The following MARK3 variants were observed in gnomAD, a reference collection of about 807,000 sequenced individuals.
MARK3 encodes the protein microtubule affinity regulating kinase 3.
In MARK3, 46 loss-of-function variants were observed where a neutral mutation model predicts 90.1. That is an observed-to-expected ratio of 0.51 (90% CI 0.40 to 0.65). The LOEUF is 0.65. MARK3 is among the 30% of genes least tolerant of loss of function. The pLI is 0.00. For missense variants in MARK3, 818 were observed against 947.2 expected, an observed-to-expected ratio of 0.86 and a Z score of 1.79; for synonymous variants, 321 against 332.6, an observed-to-expected ratio of 0.97 and a Z score of 0.38.
chr14:103,386,237 C>G (rs1177241397), intron 1 of MARK3, 157 bp downstream of exon 1: 1 of 754,036 alleles, frequency 1.3e-6, no homozygotes, highest in African/African-American at 1.7e-5. Flanking sequence ...ACCGTTTCCT[C>G]CAGAAGTCTG....
At chr14:103,408,233 C>T (rs2091430864) in intron 2 of MARK3, among the ~76,000 whole-genome samples, 1 of 152,140 alleles carries the variant, frequency 6.6e-6, no homozygotes. Flanking sequence ...GTTGCCCAGG[C>T]TGGAGTGCAG....
chr14:103,484,087 A>G lies in MARK3; in HGVS notation c.1586+3597A>G, dbSNP rs1595894587. On this transcript the variant is annotated intron_variant, in intron 14 of 17. Coordinates refer to ENST00000429436, the MANE Select transcript of MARK3 (RefSeq NM_001128918.3). ...CATATGCTTTAGATACCCGGACGAC[A>G]CTGTTTAGACTACTTCATTTAAAGA... is the stretch of plus-strand genomic sequence containing the variant. Among the ~76,000 whole-genome samples the G allele has an allele frequency of 2.6e-5, 4 of 151,934 alleles. No homozygotes were observed. The East Asian group carries it at 7.7e-4, about 29-fold the overall frequency.
rs1273492258 is a variant in MARK3, at chr14:103,502,982, G to T, written c.2017G>T (p.Gly673Trp). 3 of 1,614,216 alleles carry T rather than the reference G, an allele frequency of 1.9e-6. No homozygotes were observed. The highest frequency in any genetic ancestry group is 1.7e-6 in the Non-Finnish European group (2 of 1,180,038). Residue 673 changes from glycine to tryptophan, a missense_variant, in exon 18 of 18, where the codon GGG becomes TGG. Coordinates refer to ENST00000429436, the MANE Select transcript of MARK3 (RefSeq NM_001128918.3). The part of the protein sequence containing the change: ...SMKTTSSMDP[G>W]DMMREIRKVL... ...GAAAACCACTAGTTCAATGGATCCCGGGGACATGATGCGGGAAATCCGCAA... is the reference window on the plus strand; with the variant it reads ...GAAAACCACTAGTTCAATGGATCCCTGGGACATGATGCGGGAAATCCGCAA...
intron 2 of MARK3, among the ~76,000 whole-genome samples, chr14:103,416,204 A>G (rs1336989852): frequency 6.6e-6 from 1 of 152,232 alleles, no homozygotes; most frequent in Non-Finnish European, 1.5e-5. Context: ...CACATATAAT[A>G]TAATGTATTA....
chr14:103,467,745 A>C (rs975014512), intron 11 of MARK3: 6 of 209,930 alleles, frequency 2.9e-5, no homozygotes, highest in African/African-American at 1.4e-4. Flanking sequence ...ACCTGTAGTC[A>C]TTAATAGCTT....
intron 13 of MARK3, among the ~76,000 whole-genome samples, chr14:103,477,881 C>T (rs914046615): frequency 7.9e-5 from 12 of 151,808 alleles, no homozygotes; most frequent in African/African-American, 2.9e-4. Context: ...GTACCAGCTA[C>T]TTGAGAGCTT....
chr14:103,469,332 C>T (rs1467668443), intron 12 of MARK3: 1 of 151,914 alleles, frequency 6.6e-6, no homozygotes, highest in African/African-American at 2.4e-5. Flanking sequence ...CAGGCATGCA[C>T]AACCACACCC....
chr14:103,453,657 G>A (rs2093207466), intron 5 of MARK3, among the ~76,000 whole-genome samples: 1 of 152,188 alleles, frequency 6.6e-6, no homozygotes, highest in Admixed American at 6.5e-5. Context: ...AGAAAGAGGG[G>A]AAGGTTAATT....
intron 5 of MARK3, among the ~76,000 whole-genome samples, chr14:103,452,521 G>A (rs2093174452): frequency 7.6e-6 from 1 of 132,194 alleles, no homozygotes; most frequent in South Asian, 2.4e-4. Context: ...GCCCAGGCTG[G>A]AGTGCAGTGG....
At chr14:103,475,251 G>A in intron 13 of MARK3, 41 bp downstream of exon 13, 2 of 1,565,578 alleles carry the variant, frequency 1.3e-6, no homozygotes, top group Non-Finnish European at 1.8e-6. Flanking sequence ...AGGGTGGTAG[G>A]GTTGGAACCA....
chr14:103,502,767 G>A, intron 17 of MARK3, 115 bp from the exon 18 acceptor site: 2 of 757,896 alleles, frequency 2.6e-6, no homozygotes, highest in Non-Finnish European at 4.2e-6. Context: ...GCAGGAAAAT[G>A]TGGAGGTCAG....
At chr14:103,458,666 A>C in intron 6 of MARK3, 1 of 638,924 alleles carries the variant, frequency 1.6e-6, no homozygotes, top group Non-Finnish European at 2.8e-6. Flanking sequence ...GCCTACATTG[A>C]AATGGAATTA....
At chr14:103,451,873 C>T in intron 4 of MARK3, 45 bp from the exon 5 acceptor site, 1 of 1,385,508 alleles carries the variant, frequency 7.2e-7, no homozygotes, top group South Asian at 1.2e-5. Context: ...TTTGTGCATA[C>T]AGACATTTGT....
At chr14:103,500,289 T>C in intron 17 of MARK3, 89 bp downstream of exon 17, 1 of 970,376 alleles carries the variant, frequency 1.0e-6, no homozygotes, top group South Asian at 1.7e-5. Context: ...TGTTCCCTAC[T>C]GTATTCCTGC....
chr14:103,428,547 A>G, intron 3 of MARK3, 107 bp downstream of exon 3: 1 of 657,250 alleles, frequency 1.5e-6, no homozygotes, highest in East Asian at 3.2e-5. Context: ...TAATGCCATA[A>G]AGCTTCCTAT....
At chr14:103,419,286 G>A (rs547280653) in intron 2 of MARK3, among the ~76,000 whole-genome samples, 26 of 151,990 alleles carry the variant, frequency 1.7e-4, no homozygotes, top group Non-Finnish European at 2.6e-4. Flanking sequence ...GCGAGACCCC[G>A]TCTCATAAAT....
Position 103,477,266 on chromosome 14 carries a change from C to T in MARK3, c.1482+2056C>T, listed in dbSNP as rs189776785. On this transcript the variant is annotated intron_variant, in intron 13 of 17. Coordinates refer to ENST00000429436, the MANE Select transcript of MARK3 (RefSeq NM_001128918.3). ...CTGCACTGTGGGAGGCCAAAGTGGG[C>T]GGATCACTTGAGGTCAGGAGTTCAA... 2.4e-4 allele frequency among the ~76,000 whole-genome samples: 37 copies of T among 152,182 alleles called. No individual in the cohort carries two copies. The East Asian group carries it at 7.0e-3, about 29-fold the overall frequency.
intron 2 of MARK3, among the ~76,000 whole-genome samples, chr14:103,408,117 A>T (rs944521234): frequency 9.2e-5 from 14 of 152,136 alleles, no homozygotes; most frequent in African/African-American, 3.4e-4. Flanking sequence ...ACAGAACTTA[A>T]CACAGTGCTT....
intron 1 of MARK3, among the ~76,000 whole-genome samples, chr14:103,389,251 C>G (rs952076472): frequency 2.6e-5 from 4 of 151,552 alleles, no homozygotes; most frequent in Non-Finnish European, 5.9e-5. Context: ...GTAGTCCTAG[C>G]TACTCGGGAG....
Sources: allele counts gnomAD v4.1 joint callset (sites outside exome capture counted in the v4.1 genomes callset), GRCh38; gene constraint gnomAD v4.1.1; transcripts MANE v1.5; gene names NCBI Gene and HGNC (gene_info 2026-07-23, HGNC 2026-07-21).